NT5M: variants seen among roughly 807,000 people sequenced by gnomAD.
The protein encoded by NT5M is 5'(3')-deoxyribonucleotidase, mitochondrial.
In NT5M, 22 loss-of-function variants were observed where a neutral mutation model predicts 22.2. That is an observed-to-expected ratio of 0.99 (90% CI 0.71 to 1.41). NT5M has a LOEUF of 1.41. NT5M is among the 40% of genes most tolerant of loss of function. The probability of loss-of-function intolerance (pLI) is 0.00; values close to 1 mark genes in which losing one functional copy is unlikely to be tolerated. For missense variants in NT5M, 322 were observed against 314.8 expected (o/e 1.02, Z -0.17); for synonymous variants, 167 against 133.0 (o/e 1.26, Z -1.76).
intron 3 of NT5M, among the ~76,000 whole-genome samples, chr17:17,337,146 G>A (rs2145419086): frequency 6.6e-6 from 1 of 152,256 alleles, no homozygotes; most frequent in African/African-American, 2.4e-5. Flanking sequence ...CATTTTGACT[G>A]GGGTGAGATG....
chr17:17,332,431 C>G (rs1392604981), intron 3 of NT5M, among the ~76,000 whole-genome samples: 1 of 152,154 alleles, frequency 6.6e-6, no homozygotes, highest in Non-Finnish European at 1.5e-5. Context: ...CGAGGTGGTT[C>G]ATGGACTTCC....
chr17:17,334,993 C>T (rs1378196007), intron 3 of NT5M, among the ~76,000 whole-genome samples: 1 of 152,106 alleles, frequency 6.6e-6, no homozygotes, highest in African/African-American at 2.4e-5. Flanking sequence ...AGCACATACA[C>T]ATCCTCATTT....
chr17:17,325,660 A>T (rs963220485), intron 3 of NT5M, among the ~76,000 whole-genome samples: 4 of 152,114 alleles, frequency 2.6e-5, no homozygotes, highest in African/African-American at 9.7e-5. Flanking sequence ...GAAACCTCTG[A>T]ATAGTTTCCC....
intron 3 of NT5M, among the ~76,000 whole-genome samples, chr17:17,329,008 C>T (rs558349767): frequency 6.8e-4 from 104 of 152,262 alleles, no homozygotes; most frequent in African/African-American, 2.4e-3. Flanking sequence ...GACGGAGTCT[C>T]GCTCTGTCTC....
At chr17:17,341,934 G>A (rs1413199529) in intron 3 of NT5M, among the ~76,000 whole-genome samples, 1 of 152,056 alleles carries the variant, frequency 6.6e-6, no homozygotes, top group Non-Finnish European at 1.5e-5. Flanking sequence ...GGGAAGCTGG[G>A]GCAGGAGAAT....
intron 2 of NT5M, among the ~76,000 whole-genome samples, chr17:17,322,716 T>A (rs573148326): frequency 6.6e-6 from 1 of 152,284 alleles, no homozygotes; most frequent in African/African-American, 2.4e-5. Context: ...GGAGGCCATT[T>A]GGGTCAGCTC....
chr17:17,338,677 GTTTTTTTTTTT>G (rs59650601), intron 3 of NT5M, among the ~76,000 whole-genome samples: 1 of 73,220 alleles, frequency 1.4e-5, no homozygotes, highest in Non-Finnish European at 2.5e-5. Flanking sequence ...AATGTTAAGG[GTTTTTTTTTTT>G]TTTTTTTTTT....
chr17:17,345,035 C>T, intron 4 of NT5M, 127 bp downstream of exon 4: 1 of 1,386,460 alleles, frequency 7.2e-7, no homozygotes, highest in South Asian at 1.3e-5. Flanking sequence ...AGGCACTGAG[C>T]CCCTCCCCTT....
chr17:17,325,442 C>T (rs2049245770), intron 3 of NT5M, among the ~76,000 whole-genome samples: 1 of 152,132 alleles, frequency 6.6e-6, no homozygotes, highest in South Asian at 2.1e-4. Flanking sequence ...TCTAAGCCCT[C>T]ACTTCCAGCC....
chr17:17,343,573 A>G (rs1009680728), intron 3 of NT5M, among the ~76,000 whole-genome samples: 5 of 152,130 alleles, frequency 3.3e-5, no homozygotes, highest in African/African-American at 9.7e-5. Context: ...TAAGGCACCC[A>G]TGTCCCATTT....
At chr17:17,310,903 T>C (rs2082351166) in intron 2 of NT5M, among the ~76,000 whole-genome samples, 1 of 152,034 alleles carries the variant, frequency 6.6e-6, no homozygotes, top group Non-Finnish European at 1.5e-5. Context: ...TCACGCCTCT[T>C]ATCCCAGCAC....
At chr17:17,304,308 AGTGAGTCAGTGGTCCAG>A in intron 1 of NT5M, 1 of 666,518 alleles carries the variant, frequency 1.5e-6, no homozygotes, top group Non-Finnish European at 1.9e-6. Context: ...GGGGTCACAC[AGTGAGTCAGTGGTCCAG>A]GTGAGGTGGG....
intron 3 of NT5M, among the ~76,000 whole-genome samples, chr17:17,324,914 C>T (rs114861279): frequency 0.011 from 1,600 of 152,282 alleles, 28 homozygotes; most frequent in African/African-American, 0.036. Flanking sequence ...AGTATCTTAC[C>T]TGCAGCCAGT....
Position 17,303,719 on chromosome 17 carries a change from T to C in NT5M, c.169T>C (p.Phe57Leu). 1.3e-6 allele frequency: 2 copies of C among 1,591,654 alleles called. No individual in the cohort carries two copies. Among genetic ancestry groups the C allele is most frequent in the East Asian group, 2.4e-5 (1 of 42,306 alleles). ...ADFEGGFLRK[F>L]RARFPDQPFI... Reference sequence around the variant, plus strand: ...CTTCGAGGGCGGATTCCTCAGGAAGTTCCGCGCGCGCTTTCCCGACCAGCC... The same window carrying C: ...CTTCGAGGGCGGATTCCTCAGGAAGCTCCGCGCGCGCTTTCCCGACCAGCC... The change falls in exon 1 of 5, where the codon TTC (phenylalanine) becomes CTC (leucine). Residue 57 changes from phenylalanine (F) to leucine (L), a missense_variant. Transcript: ENST00000389022.
chr17:17,317,526 G>A (rs2145354559), intron 2 of NT5M, among the ~76,000 whole-genome samples: 1 of 152,344 alleles, frequency 6.6e-6, no homozygotes, highest in Non-Finnish European at 1.5e-5. Context: ...CAGCTACTCA[G>A]AAGGCTGAGA....
intron 4 of NT5M, among the ~76,000 whole-genome samples, chr17:17,345,650 AAC>A (rs1491295170): frequency 6.7e-6 from 1 of 150,062 alleles, no homozygotes; most frequent in Non-Finnish European, 1.5e-5. Context: ...AAAAAAAAAA[AAC>A]ACAAAAAAAT....
At chr17:17,308,790 C>A (rs1481441222) in intron 2 of NT5M, among the ~76,000 whole-genome samples, 1 of 152,238 alleles carries the variant, frequency 6.6e-6, no homozygotes, top group African/African-American at 2.4e-5. Context: ...AACCACTAAT[C>A]TACTTTCTGT....
rs753196817 is a variant in NT5M at position 17,303,603 on chromosome 17, CCGCGGGGCGG to C, written c.66_75del (p.Gly23AlafsTer63). On this transcript the variant is annotated frameshift_variant, in exon 1 of 5. Transcript: ENST00000389022. LOFTEE classifies it high-confidence loss of function. ...CGGCGGCTCTGCAGCGCGGCGGTTCCCGCGGGGCGGCGCGGGGCGGCGGGCGGGCTGGGCC... is the reference window on the plus strand; with the variant it reads ...CGGCGGCTCTGCAGCGCGGCGGTTCCCGCGGGGCGGCGGGCGGGCTGGGCC... 2.5e-4 allele frequency: 309 copies of C among 1,231,348 alleles called. No individual in the cohort carries two copies. Among genetic ancestry groups the C allele is most frequent in the African/African-American group, 8.9e-4 (56 of 63,002 alleles). The allele number at this position is 1,231,348 out of a possible 1,614,324, so 76.3% of individuals were successfully genotyped here.
chr17:17,347,514 G>A lies in NT5M; in HGVS notation c.*567G>A, dbSNP rs1454893368. On this transcript the variant is annotated 3_prime_UTR_variant, in exon 5 of 5. Transcript: ENST00000389022. ...GACAGCGGCCACCAGGCTCTGTGCT[G>A]GGGGACGATACTGGCCCTGGCCTCG... The A allele has an allele frequency of 6.4e-6, 1 of 156,304 alleles. No individual in the cohort carries two copies. Among genetic ancestry groups the A allele is most frequent in the Non-Finnish European group, 1.4e-5 (1 of 70,814 alleles). 9.7% of individuals were successfully genotyped at this position (156,304 alleles called of 1,614,324 possible).
Sources: gnomAD v4.1 joint callset for allele counts (sites outside exome capture counted in the v4.1 genomes callset) on GRCh38, gnomAD v4.1.1 for gene constraint, MANE v1.5 for transcripts, NCBI Gene and HGNC (gene_info 2026-07-23, HGNC 2026-07-21) for gene names.